The following PQBP1 variants were observed in gnomAD, a reference collection of about 807,000 sequenced individuals.
PQBP1 encodes the protein polyglutamine binding protein 1.
Under a neutral mutation model 20.9 loss-of-function variants are expected in PQBP1, and 3 were observed. That is an observed-to-expected ratio of 0.14 (90% CI 0.07 to 0.37). The LOEUF (loss-of-function observed/expected upper bound fraction) is 0.37, where lower values mean the gene tolerates loss of function less well. Ranked by LOEUF, PQBP1 falls within the 10% of genes least tolerant of loss-of-function variation. The pLI is 1.00. For missense variants in PQBP1, 162 were observed against 240.3 expected, an observed-to-expected ratio of 0.67 and a Z score of 2.16; for synonymous variants, 83 against 93.8, an observed-to-expected ratio of 0.88 and a Z score of 0.67.
chrX:48,897,931 A>G lies in PQBP1; in HGVS notation c.-170A>G, dbSNP rs2063332559. The G allele has an allele frequency of 2.3e-6, 2 of 869,877 alleles. No individual in the cohort carries two copies. The highest frequency in any genetic ancestry group is 3.5e-5 in the East Asian group (1 of 28,832). 71.7% of individuals were successfully genotyped at this position (869,877 alleles called of 1,213,427 possible). On this transcript the variant is annotated 5_prime_UTR_variant, in exon 1 of 7. Transcript: ENST00000447146. ...GTTCATTGCCTCCTGAGCGTAGTCC[A>G]GTTACTTTCAGGCTCGGGGAGTGAA... is the stretch of plus-strand genomic sequence containing the variant.
chrX:48,898,087 C>T lies in PQBP1; in HGVS notation c.-19+5C>T. ...ACTACCTGCACGAGTGTATTGGTAA[C>T]GTTGGGGTGGGTGCACTCTTTTGGA... On this transcript the variant is annotated splice_donor_5th_base_variant and intron_variant, in intron 1 of 6. Coordinates refer to ENST00000447146, the MANE Select transcript of PQBP1 (RefSeq NM_001032382.2). The T allele has an allele frequency of 2.0e-6, 2 of 1,025,559 alleles. No homozygotes were observed. Among genetic ancestry groups the T allele is most frequent in the Non-Finnish European group, 2.5e-6 (2 of 803,335 alleles). 84.5% of individuals were successfully genotyped at this position (1,025,559 alleles called of 1,213,427 possible).
intron 2 of PQBP1, among the ~76,000 whole-genome samples, chrX:48,899,282 A>G (rs782282790): frequency 8.9e-6 from 1 of 111,860 alleles, no homozygotes; most frequent in African/African-American, 3.2e-5. Context: ...TGCCCGGCAG[A>G]TATTTCATTC....
At position 48,901,500 on chromosome X, in the gene PQBP1, C is replaced by T. The variant is rs1336531621; in HGVS notation, c.179+199C>T. 27 of 909,846 alleles carry T rather than the reference C, an allele frequency of 3.0e-5. 1 individual carries two copies. The highest frequency in any genetic ancestry group is 7.9e-5 in the African/African-American group (4 of 50,840). 75.0% of individuals were successfully genotyped at this position (909,846 alleles called of 1,213,427 possible). A position where few individuals can be genotyped will look rare whatever the true frequency, so the allele number is the denominator to read the frequency against. On this transcript the variant is annotated intron_variant, in intron 3 of 6. Coordinates refer to ENST00000447146, the MANE Select transcript of PQBP1 (RefSeq NM_001032382.2). ...ACTGTCTTTTCTCTCTTTTTTGAAA[C>T]GGAGTTTCACTCTTGTAGCCCGGGC...
intron 5 of PQBP1, 23 bp downstream of exon 5, chrX:48,902,540 C>T (rs1557041583): frequency 4.2e-6 from 5 of 1,196,712 alleles, no homozygotes; most frequent in Non-Finnish European, 4.5e-6. Context: ...GAATGGGGCT[C>T]GGTGAGACCA....
In PQBP1 at chrX:48,902,240, A is replaced by G. The variant is rs1557041343; in HGVS notation, c.300A>G (p.Glu100=). ...CAAGACTTGTGTCCCCAGATGCTGA[A>G]GAAAAGTTGGACCGGAGCCATGACA... ...KKLRSSNADA[E]EKLDRSHDKS... is the part of the protein sequence containing the mutation. Residue 100 remains glutamate (E), a synonymous_variant, in exon 5 of 7, where the codon GAA becomes GAG. Coordinates refer to ENST00000447146, the MANE Select transcript of PQBP1 (RefSeq NM_001032382.2). The G allele has an allele frequency of 2.5e-6, 3 of 1,211,420 alleles. No individual in the cohort carries two copies. The Admixed American group carries it at 6.5e-5, about 26-fold the overall frequency.
At chrX:48,901,112 C>T (rs1440140303) in intron 2 of PQBP1, 78 bp from the exon 3 acceptor site, 62 of 1,163,846 alleles carry the variant, frequency 5.3e-5, no homozygotes, top group Middle Eastern at 4.6e-4. Context: ...AATGTGAGTG[C>T]GTGTCTCTAG....
In PQBP1 at chrX:48,901,046, A is replaced by T; in HGVS notation, c.68-144A>T. 3 of 1,018,820 alleles carry T rather than the reference A, an allele frequency of 2.9e-6. No homozygotes were observed. In the South Asian group the frequency reaches 6.2e-5, roughly 21 times the overall value. The allele number at this position is 1,018,820 out of a possible 1,213,427, so 84.0% of individuals were successfully genotyped here. A position where few individuals can be genotyped will look rare whatever the true frequency, so the allele number is the denominator to read the frequency against. On this transcript the variant is annotated intron_variant, in intron 2 of 6. Coordinates refer to ENST00000447146, the MANE Select transcript of PQBP1 (RefSeq NM_001032382.2). ...GAGTTGGATTTGGAATGTGAAAGATACTTCATATTCTTCCCGGCACACACA... is the reference window on the plus strand; with the variant it reads ...GAGTTGGATTTGGAATGTGAAAGATTCTTCATATTCTTCCCGGCACACACA...
Position 48,902,346 on chromosome X carries a change from G to C in PQBP1, c.406G>C (p.Asp136His). The change falls in exon 5 of 7, where the codon GAC becomes CAC. Residue 136 changes from aspartate to histidine, a missense_variant. By Grantham distance (81) the Asp-to-His change is moderately conservative. Coordinates refer to ENST00000447146, the MANE Select transcript of PQBP1 (RefSeq NM_001032382.2). ...CCACGACAAGTCAGACCGGGGCCAC[G>C]ACAAGTCTGACAGGGATCGAGAGCG... The part of the protein sequence containing the change: ...RGHDKSDRGH[D>H]KSDRDRERGY... The C allele has an allele frequency of 8.3e-7, 1 of 1,210,972 alleles. No homozygotes were observed. The highest frequency in any genetic ancestry group is 1.1e-6 in the Non-Finnish European group (1 of 895,194).
intron 2 of PQBP1, among the ~76,000 whole-genome samples, chrX:48,898,931 G>A (rs182732587): frequency 4.1e-3 from 393 of 95,113 alleles, no homozygotes; most frequent in South Asian, 0.015. Context: ...TTAACTTCCC[G>A]AGTAGTTGGG....
chrX:48,898,785 CTTTTTTTTTTTTTTTTTTTT>C (rs34214032), intron 2 of PQBP1, among the ~76,000 whole-genome samples: 9 of 21,483 alleles, frequency 4.2e-4, no homozygotes, highest in Admixed American at 1.8e-3. Flanking sequence ...ATATTTCATT[CTTTTTTTTTTTTTTTTTTTT>C]TTTTTTTTTT....
At chrX:48,901,762 A>C (rs1163574794) in intron 3 of PQBP1, among the ~76,000 whole-genome samples, 168 bp from the exon 4 acceptor site, 2 of 111,912 alleles carry the variant, frequency 1.8e-5, no homozygotes, top group African/African-American at 6.5e-5. Flanking sequence ...TACAGGCATG[A>C]GCCACCACGC....
At chrX:48,900,564 T>C (rs2063393748) in intron 2 of PQBP1, among the ~76,000 whole-genome samples, 1 of 108,069 alleles carries the variant, frequency 9.3e-6, no homozygotes, top group African/African-American at 3.4e-5. Context: ...ATATTATTTA[T>C]TATTTGTTTA....
chrX:48,900,609 T>C lies in PQBP1; in HGVS notation c.68-581T>C, dbSNP rs782132073. Among the ~76,000 whole-genome samples, 525 of 110,464 alleles carry C rather than the reference T, an allele frequency of 4.8e-3. 1 individual carries two copies. The highest frequency in any genetic ancestry group is 0.017 in the African/African-American group (501 of 30,339). On this transcript the variant is annotated intron_variant, in intron 2 of 6. Coordinates refer to ENST00000447146, the MANE Select transcript of PQBP1 (RefSeq NM_001032382.2). ...TCTCACTCTGTTGCCCAGGCTGGAG[T>C]GCAGTGGCACGATAATAGCTCACTG...
chrX:48,898,688 G>A (rs2063346608), intron 2 of PQBP1, 112 bp downstream of exon 2: 1 of 758,602 alleles, frequency 1.3e-6, no homozygotes, highest in Non-Finnish European at 2.0e-6. Flanking sequence ...CCAAGCAATG[G>A]GGTGGCAGGC....
chrX:48,900,927 C>T (rs1557040917), intron 2 of PQBP1, among the ~76,000 whole-genome samples: 1 of 111,873 alleles, frequency 8.9e-6, no homozygotes, highest in Non-Finnish European at 1.9e-5. Flanking sequence ...CCTATCAACT[C>T]TGAAACCAGA....
Position 48,902,503 on chromosome X carries a change from C to G in PQBP1, c.563C>G (p.Pro188Arg). 8.3e-7 allele frequency: 1 copy of G among 1,204,133 alleles called. No homozygotes were observed. The highest frequency in any genetic ancestry group is 1.1e-6 in the Non-Finnish European group (1 of 892,428). The change falls in exon 5 of 7, where the codon CCC becomes CGC. Residue 188 changes from proline to arginine, a missense_variant. Physicochemically the swap from Pro to Arg is moderately radical, Grantham distance 103. Coordinates refer to ENST00000447146, the MANE Select transcript of PQBP1 (RefSeq NM_001032382.2). Reference sequence around the variant, plus strand: ...CGCCGGGAGGAGCTGGCTCCCTATCCCAAGAGCAAGAAGGGTAAGCTGGGC... The same window carrying G: ...CGCCGGGAGGAGCTGGCTCCCTATCGCAAGAGCAAGAAGGGTAAGCTGGGC... ...HHRREELAPY[P>R]KSKKAVSRKD...
At chrX:48,901,804 A>G in intron 3 of PQBP1, 126 bp from the exon 4 acceptor site, 2 of 1,106,913 alleles carry the variant, frequency 1.8e-6, no homozygotes, top group Non-Finnish European at 2.4e-6. Context: ...TCAGGAGAAG[A>G]GATTCTGGGG....
Position 48,901,311 on chromosome X carries a change from G to A in PQBP1, c.179+10G>A, listed in dbSNP as rs1557041048. The A allele has an allele frequency of 8.4e-7, 1 of 1,191,661 alleles. No homozygotes were observed. The highest frequency in any genetic ancestry group is 1.8e-5 in the South Asian group (1 of 54,124). ...TGTTCGACCCTTCCTGGTGAGCCTG[G>A]GTGAGGGGGAGCTAACTTCTGGCTT... On this transcript the variant is annotated intron_variant, in intron 3 of 6. Coordinates refer to ENST00000447146, the MANE Select transcript of PQBP1 (RefSeq NM_001032382.2).
At chrX:48,902,695 T>C in intron 5 of PQBP1, 37 bp from the exon 6 acceptor site, 1 of 1,182,915 alleles carries the variant, frequency 8.5e-7, no homozygotes, top group Non-Finnish European at 1.1e-6. Flanking sequence ...GGGATCCTGG[T>C]GCCTCTATTG....
Sources: allele counts gnomAD v4.1 joint callset (sites outside exome capture counted in the v4.1 genomes callset), GRCh38; gene constraint gnomAD v4.1.1; transcripts MANE v1.5; gene names NCBI Gene and HGNC (gene_info 2026-07-23, HGNC 2026-07-21).